Variants in FOCAD observed in about 807,000 individuals in gnomAD.
FOCAD encodes the protein KIAA1797.
A neutral mutation model predicts 225.6 loss-of-function variants in FOCAD; 198 were observed. The observed-to-expected ratio is 0.88, with a 90% confidence interval of 0.78 to 0.99. FOCAD has a LOEUF of 0.99. Among genes scored for constraint, FOCAD ranks in the 50% least tolerant of loss-of-function variants. The probability of loss-of-function intolerance (pLI) is 0.00; values close to 1 mark genes in which losing one functional copy is unlikely to be tolerated. For synonymous variants in FOCAD, 897 were observed against 755.0 expected, an observed-to-expected ratio of 1.19 and a Z score of -3.08; for missense variants, 2,713 against 2,123.6, an observed-to-expected ratio of 1.28 and a Z score of -5.46.
intron 36 of FOCAD, among the ~76,000 whole-genome samples, chr9:20,976,972 C>T (rs980454534): frequency 6.6e-6 from 1 of 152,150 alleles, no homozygotes; most frequent in Non-Finnish European, 1.5e-5. Context: ...TTTACATGTC[C>T]ATAGGCCAGA....
chr9:20,775,974 A>G (rs1317243305), intron 8 of FOCAD, among the ~76,000 whole-genome samples: 1 of 151,892 alleles, frequency 6.6e-6, no homozygotes, highest in East Asian at 1.9e-4. Context: ...CCTAAAGGCA[A>G]AAGTAGAGCC....
chr9:20,677,483 T>C (rs908941582), intron 2 of FOCAD, among the ~76,000 whole-genome samples: 7 of 152,074 alleles, frequency 4.6e-5, no homozygotes, highest in African/African-American at 1.7e-4. Flanking sequence ...AAAGGGTTAA[T>C]ATAGAAAATA....
chr9:20,830,631 A>G (rs1018336315), intron 15 of FOCAD, among the ~76,000 whole-genome samples: 16 of 152,066 alleles, frequency 1.1e-4, no homozygotes, highest in African/African-American at 3.9e-4. Context: ...AATATTAGTA[A>G]TCAATGATTC....
chr9:20,757,585 G>T (rs1164073478), intron 5 of FOCAD, among the ~76,000 whole-genome samples: 2 of 152,152 alleles, frequency 1.3e-5, no homozygotes, highest in Admixed American at 1.3e-4. Flanking sequence ...TCTTAAATAT[G>T]CTGGGGAAGC....
chr9:20,782,402 T>C (rs1819472012), intron 10 of FOCAD, among the ~76,000 whole-genome samples: 1 of 152,216 alleles, frequency 6.6e-6, no homozygotes, highest in South Asian at 2.1e-4. Context: ...CCTGGCATAA[T>C]GGCTCTCGAT....
At chr9:20,798,283 A>G (rs183042553) in intron 11 of FOCAD, among the ~76,000 whole-genome samples, 113 of 152,318 alleles carry the variant, frequency 7.4e-4, no homozygotes, top group African/African-American at 2.6e-3. Context: ...ATGGATGTTC[A>G]TCAGGGATAT....
chr9:20,914,867 A>G (rs1448388139), intron 23 of FOCAD, among the ~76,000 whole-genome samples: 1 of 152,178 alleles, frequency 6.6e-6, no homozygotes, highest in East Asian at 1.9e-4. Flanking sequence ...AATTTAGGCA[A>G]GAGATAATAG....
At position 20,662,210 on chromosome 9, in the gene FOCAD, G is replaced by T. The variant is rs1249358370; in HGVS notation, c.-78+3384G>T. ...TGTGTGTGTGTGTGCATATATGTGTGTGTGTGTGTGTATAATTACAAGCTA... is the reference window on the plus strand; with the variant it reads ...TGTGTGTGTGTGTGCATATATGTGTTTGTGTGTGTGTATAATTACAAGCTA... On this transcript the variant is annotated intron_variant, in intron 2 of 45. Coordinates refer to the FOCAD transcript ENST00000380249. Among the ~76,000 whole-genome samples, 3 of 152,134 alleles carry T rather than the reference G, an allele frequency of 2.0e-5. No homozygotes were observed. The East Asian group carries it at 5.8e-4, about 29-fold the overall frequency.
At chr9:20,966,948 G>C (rs1839316536) in intron 35 of FOCAD, among the ~76,000 whole-genome samples, 1 of 151,912 alleles carries the variant, frequency 6.6e-6, no homozygotes, top group Non-Finnish European at 1.5e-5. Context: ...AGTAAGATTA[G>C]TGTGCATGAG....
At chr9:20,771,649 T>A (rs1314881129) in intron 8 of FOCAD, among the ~76,000 whole-genome samples, 1 of 152,088 alleles carries the variant, frequency 6.6e-6, no homozygotes, top group Non-Finnish European at 1.5e-5. Flanking sequence ...AATCTACTCA[T>A]GATGCTGAGG....
chr9:20,681,805 G>C (rs556247303), upstream of FOCAD, among the ~76,000 whole-genome samples: 3 of 152,236 alleles, frequency 2.0e-5, no homozygotes, highest in South Asian at 2.1e-4. Context: ...CCAGAAGGAG[G>C]GGGTGAGCCC....
chr9:20,748,001 G>A (rs1424648641), intron 5 of FOCAD, among the ~76,000 whole-genome samples: 1 of 151,594 alleles, frequency 6.6e-6, no homozygotes, highest in African/African-American at 2.4e-5. Context: ...TAAAAAAATC[G>A]ACGATCAGCT....
At chr9:20,682,240 C>T (rs1013029006), upstream of FOCAD, among the ~76,000 whole-genome samples, 1 of 152,216 alleles carries the variant, frequency 6.6e-6, no homozygotes, top group African/African-American at 2.4e-5. Flanking sequence ...GTCTAAGATA[C>T]TTTGTTATAG....
chr9:20,995,619 A>T lies in FOCAD; in HGVS notation c.5396A>T (p.Tyr1799Phe). 6.2e-7 allele frequency: 1 copy of T among 1,612,530 alleles called. No homozygotes were observed. The highest frequency in any genetic ancestry group is 8.5e-7 in the Non-Finnish European group (1 of 1,178,684). ...FKKKAVWTRA[Y>F]GW ...AAGAAAGCTGTATGGACCAGAGCAT[A>T]TGGTTGGTGAACAGTTTTGCAGTAA... Residue 1799 changes from tyrosine (Y) to phenylalanine (F), a missense_variant, in exon 44 of 44, where the codon TAT becomes TTT. By Grantham distance (22) the Tyr-to-Phe change is conservative. Transcript: ENST00000338382.
At chr9:20,748,243 T>A (rs907183739) in intron 5 of FOCAD, among the ~76,000 whole-genome samples, 1 of 152,104 alleles carries the variant, frequency 6.6e-6, no homozygotes, top group Non-Finnish European at 1.5e-5. Context: ...TTATAACAAC[T>A]TACACTCAGG....
chr9:20,823,881 G>A (rs901262779), intron 15 of FOCAD, among the ~76,000 whole-genome samples: 2 of 152,044 alleles, frequency 1.3e-5, no homozygotes, highest in African/African-American at 4.8e-5. Flanking sequence ...GTGTCCTTGG[G>A]CTAAGCACTT....
rs552496171 is a variant in FOCAD at position 20,948,362 on chromosome 9, T to C, written c.3767T>C (p.Leu1256Pro). 3 of 1,612,560 alleles carry C rather than the reference T, an allele frequency of 1.9e-6. No individual in the cohort carries two copies. Among genetic ancestry groups the C allele is most frequent in the Non-Finnish European group, 2.5e-6 (3 of 1,178,904 alleles). ...GKAEDLGSKL[L>P]PAWIRIVLTE... ...GCTGAAGACTTGGGCAGCAAACTACTCCCTGCCTGGATCAGAATTGTTCTA... is the reference window on the plus strand; with the variant it reads ...GCTGAAGACTTGGGCAGCAAACTACCCCCTGCCTGGATCAGAATTGTTCTA... The change falls in exon 31 of 44, where the codon CTC (leucine) becomes CCC (proline). Residue 1256 changes from leucine (L) to proline (P), a missense_variant. Coordinates refer to ENST00000338382, the MANE Select transcript of FOCAD (RefSeq NM_001375567.1).
intron 10 of FOCAD, among the ~76,000 whole-genome samples, chr9:20,789,071 G>A (rs1030293719): frequency 5.9e-5 from 9 of 151,354 alleles, no homozygotes; most frequent in Admixed American, 2.6e-4. Flanking sequence ...TCTGGATTTT[G>A]TATATTGATC....
At chr9:20,982,556 G>A (rs936255068) in intron 39 of FOCAD, 110 bp downstream of exon 39, 1 of 797,676 alleles carries the variant, frequency 1.3e-6, no homozygotes, top group Admixed American at 2.2e-5. Context: ...TTTGTTATTG[G>A]TTAATTTCAG....
Sources: gnomAD v4.1 joint callset for allele counts (sites outside exome capture counted in the v4.1 genomes callset) on GRCh38, gnomAD v4.1.1 for gene constraint, MANE v1.5 for transcripts, NCBI Gene and HGNC (gene_info 2026-07-23, HGNC 2026-07-21) for gene names.